Variants in ZNF487 observed in about 807,000 individuals in gnomAD.
ZNF487 encodes the protein zinc finger protein 487, also known as KRAB domain only 1.
Under a neutral mutation model 3.0 loss-of-function variants are expected in ZNF487, and 4 were observed. The observed-to-expected ratio is 1.35, with a 90% CI of 0.66 to 3.08. The LOEUF (loss-of-function observed/expected upper bound fraction) is 3.08. Among genes scored for constraint, ZNF487 ranks in the 30% most tolerant of loss-of-function variants. The probability of loss-of-function intolerance (pLI) is 0.01; values close to 1 mark genes in which losing one functional copy is unlikely to be tolerated. For synonymous variants in ZNF487, 55 were observed against 34.6 expected (o/e 1.59, Z -2.06); for missense variants, 146 against 98.7 (o/e 1.48, Z -2.03).
chr10:43,471,384 T>C (rs1840904074), intron 1 of ZNF487, among the ~76,000 whole-genome samples: 1 of 152,142 alleles, frequency 6.6e-6, no homozygotes, highest in Non-Finnish European at 1.5e-5. Flanking sequence ...TACGGTGCTC[T>C]GTTAGTTTTG....
At chr10:43,471,240 G>C (rs1450346111) in intron 1 of ZNF487, among the ~76,000 whole-genome samples, 1 of 152,162 alleles carries the variant, frequency 6.6e-6, no homozygotes, top group African/African-American at 2.4e-5. Flanking sequence ...GCGGGATCTG[G>C]CTGGCTGCTC....
At chr10:43,494,810 G>A in the ZNF487 span, among the ~76,000 whole-genome samples, 43 of 142,408 alleles carry the variant, frequency 3.0e-4, no homozygotes, top group Non-Finnish European at 5.4e-4. Flanking sequence ...GGTAGTGCGC[G>A]CCTGTAATGT....
At chr10:43,492,612 C>T in the ZNF487 span, among the ~76,000 whole-genome samples, 5 of 152,074 alleles carry the variant, frequency 3.3e-5, no homozygotes, top group Middle Eastern at 3.4e-3. Flanking sequence ...CCACCACGCC[C>T]GGCTAATTTT....
downstream of ZNF487, among the ~76,000 whole-genome samples, chr10:43,485,080 T>A (rs1841460885): frequency 6.6e-6 from 1 of 152,198 alleles, no homozygotes; most frequent in African/African-American, 2.4e-5. Flanking sequence ...GCGGGCCAGA[T>A]TTCTCCTAAC....
Position 43,481,503 on chromosome 10 carries a change from G to A in ZNF487, c.205G>A (p.Val69Ile), listed in dbSNP as rs567970854. ...CCAGCATTTGCAGAAAGTTGATTTTGTCAACAATAAAACACTGACTATGGA... is the reference window on the plus strand; with the variant it reads ...CCAGCATTTGCAGAAAGTTGATTTTATCAACAATAAAACACTGACTATGGA... ...QDQHLQKVDF[V>I]NNKTLTMDRN... Residue 69 changes from valine to isoleucine, a missense_variant, in exon 4 of 4, where the codon GTC becomes ATC. Coordinates refer to ENST00000437590, the MANE Select transcript of ZNF487 (RefSeq NM_001355444.3). 441 of 717,146 alleles carry A rather than the reference G, an allele frequency of 6.1e-4. No homozygotes were observed. Among genetic ancestry groups the A allele is most frequent in the Admixed American group, 1.4e-3 (72 of 49,968 alleles). The allele number at this position is 717,146 out of a possible 1,614,324, so 44.4% of individuals were successfully genotyped here. A position where few individuals can be genotyped will look rare whatever the true frequency, so the allele number is the denominator to read the frequency against.
rs1841091207 is a variant in ZNF487 at position 43,476,104 on chromosome 10, C to A, written c.35-3C>A. The stretch of plus-strand genomic sequence containing the variant: ...CCACGTCCTGTGTCATTTTCATTCA[C>A]AGGATATTGCATTACCAAACCAGAG... On this transcript the variant is annotated splice_region_variant and splice_polypyrimidine_tract_variant and intron_variant, in intron 2 of 3. Coordinates refer to ENST00000437590, the MANE Select transcript of ZNF487 (RefSeq NM_001355444.3). 1.4e-6 allele frequency: 1 copy of A among 717,194 alleles called. No homozygotes were observed. The highest frequency in any genetic ancestry group is 2.0e-5 in the Admixed American group (1 of 49,924). 44.4% of individuals were successfully genotyped at this position (717,194 alleles called of 1,614,324 possible). A position where few individuals can be genotyped will look rare whatever the true frequency, so the allele number is the denominator to read the frequency against.
the ZNF487 span, among the ~76,000 whole-genome samples, chr10:43,509,744 T>G: frequency 1.3e-5 from 2 of 152,064 alleles, no homozygotes; most frequent in East Asian, 3.9e-4. Context: ...CCCACCCAGA[T>G]TAAGGTGGGT....
At chr10:43,504,732 T>C in the ZNF487 span, among the ~76,000 whole-genome samples, 4 of 151,674 alleles carry the variant, frequency 2.6e-5, no homozygotes, top group Admixed American at 2.6e-4. Flanking sequence ...TGTTTTTTTT[T>C]TGGAGACAGT....
At chr10:43,476,801 G>T (rs990699036) in intron 3 of ZNF487, among the ~76,000 whole-genome samples, 3 of 152,196 alleles carry the variant, frequency 2.0e-5, no homozygotes, top group Non-Finnish European at 2.9e-5. Flanking sequence ...AAGTCAAGGG[G>T]TGATGGGGAG....
rs572670492 is a variant in ZNF487, at chr10:43,481,636, C to G, written c.338C>G (p.Ser113Ter). ...DSSGMNLNNISELIISNRSSF... is the reference protein window; with the variant it reads ...DSSGMNLNNI ...TCTGGAATGAATTTGAATAATATTT[C>G]AGAATTAATTATTAGTAATAGAAGC... The change falls in exon 4 of 4, where the codon TCA becomes TGA. Residue 113 changes from serine to a stop codon, truncating the protein, a stop_gained. Coordinates refer to ENST00000437590, the MANE Select transcript of ZNF487 (RefSeq NM_001355444.3). LOFTEE classifies it low-confidence loss of function (END_TRUNC). 6.0e-5 allele frequency: 41 copies of G among 682,012 alleles called. No individual in the cohort carries two copies. The South Asian group carries it at 6.7e-4, about 11-fold the overall frequency. The allele number at this position is 682,012 out of a possible 1,614,324, so 42.2% of individuals were successfully genotyped here. A position where few individuals can be genotyped will look rare whatever the true frequency, so the allele number is the denominator to read the frequency against.
chr10:43,468,988 C>CAAAAAAAAAAAAAAAAAAA (rs59076073), intron 1 of ZNF487, among the ~76,000 whole-genome samples: 2 of 60,934 alleles, frequency 3.3e-5, no homozygotes, highest in Non-Finnish European at 5.4e-5. Context: ...GACTCTATCT[C>CAAAAAAAAAAAAAAAAAAA]AAAAAAAAAA....
the ZNF487 span, among the ~76,000 whole-genome samples, chr10:43,505,789 C>G: frequency 6.6e-6 from 1 of 151,452 alleles, no homozygotes; most frequent in South Asian, 2.1e-4. Flanking sequence ...ATTACAGATG[C>G]CTGCCACCAT....
At chr10:43,508,447 A>G in the ZNF487 span, among the ~76,000 whole-genome samples, 20 of 152,338 alleles carry the variant, frequency 1.3e-4, no homozygotes, top group African/African-American at 4.8e-4. Context: ...TGAGCAATAA[A>G]TTAAAATGAA....
intron 1 of ZNF487, 75 bp downstream of exon 1, chr10:43,437,337 C>T (rs572323870): frequency 2.9e-5 from 5 of 170,262 alleles, no homozygotes; most frequent in African/African-American, 9.6e-5. Context: ...GGGGACTGGG[C>T]CCGCTGGGGG....
upstream of ZNF487, chr10:43,437,002 G>C: frequency 2.5e-6 from 1 of 399,156 alleles, no homozygotes; most frequent in Non-Finnish European, 5.3e-6. Flanking sequence ...GCATAGGGCC[G>C]AGCCCCCGCT....
At chr10:43,491,234 A>T in the ZNF487 span, among the ~76,000 whole-genome samples, 2 of 151,748 alleles carry the variant, frequency 1.3e-5, no homozygotes, top group Non-Finnish European at 2.9e-5. Flanking sequence ...TCAGCCTCCC[A>T]AAGTACTGGG....
the ZNF487 span, among the ~76,000 whole-genome samples, chr10:43,495,544 C>T: frequency 6.6e-6 from 1 of 152,046 alleles, no homozygotes; most frequent in East Asian, 1.9e-4. Flanking sequence ...GCACCCAGCC[C>T]CATGATACAT....
intron 1 of ZNF487, among the ~76,000 whole-genome samples, chr10:43,468,532 A>G (rs906094597): frequency 6.6e-6 from 1 of 151,554 alleles, no homozygotes; most frequent in African/African-American, 2.4e-5. Flanking sequence ...ATACAAAATT[A>G]GCCGGCCATG....
At chr10:43,467,618 A>G (rs1372196567) in intron 1 of ZNF487, among the ~76,000 whole-genome samples, 1 of 151,656 alleles carries the variant, frequency 6.6e-6, no homozygotes, top group African/African-American at 2.4e-5. Flanking sequence ...GGAGTTTGAT[A>G]CCAGCCTGGC....
Sources: gnomAD v4.1 joint callset for allele counts (sites outside exome capture counted in the v4.1 genomes callset) on GRCh38, gnomAD v4.1.1 for gene constraint, MANE v1.5 for transcripts, NCBI Gene and HGNC (gene_info 2026-07-23, HGNC 2026-07-21) for gene names.